The following CRIM1 variants were observed in gnomAD, a reference collection of about 807,000 sequenced individuals.
CRIM1 encodes cysteine rich transmembrane BMP regulator 1, also known as cysteine-rich motor neuron 1 protein.
A neutral mutation model predicts 116.4 loss-of-function variants in CRIM1; 32 were observed. That is an observed-to-expected ratio of 0.27 (90% CI 0.21 to 0.37). CRIM1 has a LOEUF of 0.37. CRIM1 is among the 10% of genes least tolerant of loss of function. CRIM1 has a pLI of 1.00. For synonymous variants in CRIM1, 590 were observed against 509.2 expected, an observed-to-expected ratio of 1.16 and a Z score of -2.13; for missense variants, 1,331 against 1,354.8, an observed-to-expected ratio of 0.98 and a Z score of 0.28.
Position 36,356,655 on chromosome 2 carries a change from C to T in CRIM1, c.331+32C>T. 6.3e-7 allele frequency: 1 copy of T among 1,575,930 alleles called. No homozygotes were observed. The highest frequency in any genetic ancestry group is 8.6e-7 in the Non-Finnish European group (1 of 1,162,772). ...CCGCCCGCTGCGGGCCCCCTCCCACCTGGCCTGCGCCGCCCCCTCGGCGCT... is the reference window on the plus strand; with the variant it reads ...CCGCCCGCTGCGGGCCCCCTCCCACTTGGCCTGCGCCGCCCCCTCGGCGCT... On this transcript the variant is annotated intron_variant, in intron 1 of 16. Transcript: ENST00000280527. The surrounding 1 kb of genome is among the most constrained non-coding windows in gnomAD (Gnocchi z 4.3).
At chr2:36,486,733 C>G (rs905003659) in intron 7 of CRIM1, among the ~76,000 whole-genome samples, 4 of 152,132 alleles carry the variant, frequency 2.6e-5, no homozygotes, top group African/African-American at 9.7e-5. Context: ...TCTAATAGAT[C>G]AGACTTGGGC....
At chr2:36,458,488 C>A (rs1006274621) in intron 4 of CRIM1, among the ~76,000 whole-genome samples, 6 of 152,076 alleles carry the variant, frequency 3.9e-5, no homozygotes, top group African/African-American at 1.4e-4. Context: ...TGAAACATGC[C>A]TAGTGGTAGG....
chr2:36,484,085 T>A (rs1394045361), intron 7 of CRIM1, among the ~76,000 whole-genome samples: 1 of 152,250 alleles, frequency 6.6e-6, no homozygotes, highest in African/African-American at 2.4e-5. Flanking sequence ...CATCCCTGTG[T>A]CAGCCTCATG....
chr2:36,384,057 G>A (rs1224993129), intron 1 of CRIM1, among the ~76,000 whole-genome samples: 8 of 152,184 alleles, frequency 5.3e-5, no homozygotes, highest in Admixed American at 6.5e-5. Flanking sequence ...GAAGTGCTAC[G>A]GAGAAAAATA....
chr2:36,540,189 C>T (rs1010306677), intron 14 of CRIM1, among the ~76,000 whole-genome samples: 1 of 152,082 alleles, frequency 6.6e-6, no homozygotes, highest in Admixed American at 6.5e-5. Context: ...ACGTAAGATG[C>T]GATGTGGGAA....
At position 36,443,710 on chromosome 2, in the gene CRIM1, G is replaced by T. The variant is rs116388065; in HGVS notation, c.869+975G>T. Among the ~76,000 whole-genome samples, 648 of 152,272 alleles carry T rather than the reference G, an allele frequency of 4.3e-3. 8 individuals carry two copies. Among genetic ancestry groups the T allele is most frequent in the African/African-American group, 0.015 (625 of 41,540 alleles). On this transcript the variant is annotated intron_variant, in intron 4 of 16. Transcript: ENST00000280527. Reference sequence around the variant, plus strand: ...GTTGGATAAGATAGGAGTAGATGTGGTCCATAGGTAAGGTAAGTATCAGTT... The same window carrying T: ...GTTGGATAAGATAGGAGTAGATGTGTTCCATAGGTAAGGTAAGTATCAGTT...
At chr2:36,469,513 T>A (rs1678320274) in intron 5 of CRIM1, among the ~76,000 whole-genome samples, 1 of 152,208 alleles carries the variant, frequency 6.6e-6, no homozygotes, top group African/African-American at 2.4e-5. Flanking sequence ...TAATCTTATG[T>A]TGGCCCTGAC....
At chr2:36,414,769 G>A (rs1479850311) in intron 2 of CRIM1, among the ~76,000 whole-genome samples, 1 of 152,214 alleles carries the variant, frequency 6.6e-6, no homozygotes, top group African/African-American at 2.4e-5. Context: ...TTGTGATGTG[G>A]CTGTAGTGTA....
At chr2:36,366,338 A>C (rs1335331996) in intron 1 of CRIM1, among the ~76,000 whole-genome samples, 2 of 152,234 alleles carry the variant, frequency 1.3e-5, no homozygotes, top group East Asian at 3.8e-4. Context: ...ACCTACAAAC[A>C]AAATCAGAAA....
intron 2 of CRIM1, among the ~76,000 whole-genome samples, chr2:36,414,458 A>G (rs1673447987): frequency 6.6e-6 from 1 of 152,200 alleles, no homozygotes; most frequent in South Asian, 2.1e-4. Context: ...CTGTTCAGAC[A>G]CTGTGCTAGA....
intron 8 of CRIM1, among the ~76,000 whole-genome samples, chr2:36,507,922 G>A (rs1681544817): frequency 2.6e-5 from 4 of 152,320 alleles, no homozygotes; most frequent in Admixed American, 2.6e-4. Flanking sequence ...GACTCTGGGA[G>A]GTTTTCAGGG....
chr2:36,464,238 G>A (rs1264115543), intron 4 of CRIM1, among the ~76,000 whole-genome samples: 3 of 152,106 alleles, frequency 2.0e-5, no homozygotes, highest in African/African-American at 2.4e-5. Context: ...TGTTTGTTAC[G>A]CTCAATACCA....
intron 5 of CRIM1, among the ~76,000 whole-genome samples, chr2:36,465,116 C>G (rs1365809684): frequency 1.3e-5 from 2 of 152,202 alleles, no homozygotes; most frequent in African/African-American, 4.8e-5. Context: ...TGCACCTGAT[C>G]TTAGCCAAAA....
intron 7 of CRIM1, among the ~76,000 whole-genome samples, chr2:36,482,747 A>T (rs1679516198): frequency 6.6e-6 from 1 of 152,242 alleles, no homozygotes; most frequent in African/African-American, 2.4e-5. Context: ...GTCTCTAGGT[A>T]CATCGTCAGA....
chr2:36,547,260 C>T, intron 16 of CRIM1, 89 bp downstream of exon 16: 2 of 1,094,396 alleles, frequency 1.8e-6, no homozygotes, highest in Non-Finnish European at 2.7e-6. Context: ...TGTGTCTTAA[C>T]CAGTGAAGTT....
intron 16 of CRIM1, 111 bp downstream of exon 16, chr2:36,547,282 C>T: frequency 2.5e-6 from 2 of 807,908 alleles, no homozygotes; most frequent in South Asian, 3.1e-5. Flanking sequence ...TTACTTTGCT[C>T]TTCATAGCCT....
chr2:36,548,034 T>C (rs1157293257), intron 16 of CRIM1, among the ~76,000 whole-genome samples: 1 of 152,208 alleles, frequency 6.6e-6, no homozygotes, highest in Non-Finnish European at 1.5e-5. Context: ...GCACAGCCTC[T>C]GTGCTGGGTC....
chr2:36,426,627 G>T (rs760422048), intron 2 of CRIM1, among the ~76,000 whole-genome samples: 4 of 152,076 alleles, frequency 2.6e-5, no homozygotes, highest in Admixed American at 1.3e-4. Flanking sequence ...ACAAAAGGTG[G>T]CTTCTTAATC....
At chr2:36,459,071 G>C (rs751561464) in intron 4 of CRIM1, among the ~76,000 whole-genome samples, 1 of 152,148 alleles carries the variant, frequency 6.6e-6, no homozygotes, top group Non-Finnish European at 1.5e-5. Flanking sequence ...AAAACTAGTT[G>C]TACTTGTTTT....
Sources: gnomAD v4.1 joint callset for allele counts (sites outside exome capture counted in the v4.1 genomes callset) on GRCh38, gnomAD v4.1.1 for gene constraint, Gnocchi (gnomAD v3.1) non-coding constraint, MANE v1.5 for transcripts, NCBI Gene and HGNC (gene_info 2026-07-23, HGNC 2026-07-21) for gene names.